The following TSHZ2 variants were observed in gnomAD, a reference collection of about 807,000 sequenced individuals.
TSHZ2 encodes the protein teashirt zinc finger homeobox 2.
Under a neutral mutation model 74.4 loss-of-function variants are expected in TSHZ2, and 21 were observed. That is an observed-to-expected ratio of 0.28 (90% CI 0.20 to 0.41). TSHZ2 has a LOEUF of 0.41. TSHZ2 is among the 10% of genes least tolerant of loss of function. TSHZ2 has a pLI of 1.00. For synonymous variants in TSHZ2, 540 were observed against 515.3 expected, an observed-to-expected ratio of 1.05 and a Z score of -0.65; for missense variants, 1,244 against 1,293.5, an observed-to-expected ratio of 0.96 and a Z score of 0.59.
At chr20:53,301,770 A>T (rs1337901599) in intron 2 of TSHZ2, among the ~76,000 whole-genome samples, 1 of 152,134 alleles carries the variant, frequency 6.6e-6, no homozygotes. Flanking sequence ...GCAACCCCCA[A>T]CTTTCAGGTT....
At chr20:53,072,094 G>T (rs1985193088) in intron 1 of TSHZ2, among the ~76,000 whole-genome samples, 1 of 152,202 alleles carries the variant, frequency 6.6e-6, no homozygotes, top group Admixed American at 6.5e-5. Flanking sequence ...GTCGCGCGGA[G>T]GCTGGGGAAC....
At chr20:53,199,263 C>T (rs1222549719) in intron 1 of TSHZ2, among the ~76,000 whole-genome samples, 1 of 151,992 alleles carries the variant, frequency 6.6e-6, no homozygotes, top group African/African-American at 2.4e-5. Flanking sequence ...TTTGGGAGGC[C>T]GAGGCGGGTG....
At chr20:53,284,651 A>T (rs182935804) in intron 2 of TSHZ2, among the ~76,000 whole-genome samples, 1 of 152,318 alleles carries the variant, frequency 6.6e-6, no homozygotes, top group East Asian at 1.9e-4. Context: ...ATTGCCAAAA[A>T]CACGGGAAAA....
In TSHZ2 at chr20:53,254,331, C is replaced by T. The variant is rs573494662; in HGVS notation, c.873C>T (p.Ser291=). 1.2e-5 allele frequency: 19 copies of T among 1,614,106 alleles called. No homozygotes were observed. Among genetic ancestry groups the T allele is most frequent in the South Asian group, 7.7e-5 (7 of 91,074 alleles). ...GDSFDSLQDL[S]VHMIKTKHYQ... is the part of the protein sequence containing the mutation. ...CCTTTGATTCCCTCCAAGATTTGAG[C>T]GTCCACATGATTAAAACAAAACATT... Residue 291 remains serine (S), a synonymous_variant, in exon 2 of 3, where the codon AGC becomes AGT. Transcript: ENST00000371497.
At chr20:53,309,687 C>T (rs531257311) in intron 2 of TSHZ2, among the ~76,000 whole-genome samples, 1 of 152,340 alleles carries the variant, frequency 6.6e-6, no homozygotes, top group South Asian at 2.1e-4. Context: ...GCTTCTTCAA[C>T]TGTGTCAGCC....
chr20:53,481,762 A>G (rs1206304960), intron 2 of TSHZ2, among the ~76,000 whole-genome samples: 1 of 152,128 alleles, frequency 6.6e-6, no homozygotes, highest in African/African-American at 2.4e-5. Flanking sequence ...ATACTCCCAT[A>G]GCTAAGTTTC....
chr20:53,484,538 A>G (rs1986242718), intron 2 of TSHZ2, among the ~76,000 whole-genome samples: 1 of 151,864 alleles, frequency 6.6e-6, no homozygotes, highest in Admixed American at 6.6e-5. Context: ...GAGGTGCACC[A>G]CCATGCCCAG....
intron 2 of TSHZ2, among the ~76,000 whole-genome samples, chr20:53,382,927 C>T (rs1981910080): frequency 6.6e-6 from 1 of 152,188 alleles, no homozygotes; most frequent in Non-Finnish European, 1.5e-5. Context: ...AAATGGGATA[C>T]CGATCCCTCT....
chr20:53,399,481 G>C (rs1982574186), intron 2 of TSHZ2: 1 of 152,224 alleles, frequency 6.6e-6, no homozygotes, highest in Admixed American at 6.6e-5. Flanking sequence ...CTCCGAGGTG[G>C]CCTCTGCATC....
intron 1 of TSHZ2, among the ~76,000 whole-genome samples, chr20:53,066,058 G>C (rs1159380343): frequency 6.6e-6 from 1 of 152,124 alleles, no homozygotes; most frequent in Non-Finnish European, 1.5e-5. Context: ...GGCTTTCCTA[G>C]AAACGTCTCA....
chr20:53,220,643 C>T (rs962474154), intron 1 of TSHZ2, among the ~76,000 whole-genome samples: 2 of 152,158 alleles, frequency 1.3e-5, no homozygotes, highest in African/African-American at 4.8e-5. Context: ...ACCACAAAGC[C>T]TCAAATGTCT....
intron 2 of TSHZ2, among the ~76,000 whole-genome samples, chr20:53,335,469 G>T (rs1979908242): frequency 6.6e-6 from 1 of 152,212 alleles, no homozygotes; most frequent in Non-Finnish European, 1.5e-5. Context: ...TCTGGACCCT[G>T]TAGGCATTTG....
At chr20:53,294,061 C>T (rs1003641451) in intron 2 of TSHZ2, among the ~76,000 whole-genome samples, 7 of 152,094 alleles carry the variant, frequency 4.6e-5, no homozygotes, top group African/African-American at 1.2e-4. Context: ...CCTGATTTGC[C>T]GTGTTGACCA....
chr20:53,055,604 C>T (rs959450065), intron 1 of TSHZ2, among the ~76,000 whole-genome samples: 4 of 152,096 alleles, frequency 2.6e-5, no homozygotes, highest in Non-Finnish European at 5.9e-5. Context: ...CTCGTTGGAA[C>T]ATTTGCATCA....
intron 2 of TSHZ2, among the ~76,000 whole-genome samples, chr20:53,448,509 T>C (rs1490868342): frequency 2.0e-5 from 3 of 152,318 alleles, no homozygotes; most frequent in Admixed American, 2.0e-4. Context: ...GTTTTAAGAC[T>C]GGGAGGGTCA....
chr20:53,309,217 G>A (rs1196732350), intron 2 of TSHZ2, among the ~76,000 whole-genome samples: 2 of 152,176 alleles, frequency 1.3e-5, no homozygotes, highest in Non-Finnish European at 2.9e-5. Context: ...TTCAAAGAAC[G>A]ACTGCCCTGT....
chr20:53,114,980 A>T (rs1986631460), intron 1 of TSHZ2, among the ~76,000 whole-genome samples: 1 of 152,094 alleles, frequency 6.6e-6, no homozygotes, highest in South Asian at 2.1e-4. Flanking sequence ...TGCATGTGGG[A>T]GTGTTAATTC....
chr20:53,063,739 A>T (rs1984891233), intron 1 of TSHZ2, among the ~76,000 whole-genome samples: 1 of 152,260 alleles, frequency 6.6e-6, no homozygotes, highest in African/African-American at 2.4e-5. Context: ...CACAGGCATG[A>T]ATATGCAAGG....
chr20:52,975,444 A>G (rs1376031562), intron 1 of TSHZ2, among the ~76,000 whole-genome samples: 1 of 152,080 alleles, frequency 6.6e-6, no homozygotes, highest in Non-Finnish European at 1.5e-5. Context: ...ACTGTATCAC[A>G]TTATTTAAAT....
Sources: gnomAD v4.1 joint callset for allele counts (sites outside exome capture counted in the v4.1 genomes callset) on GRCh38, gnomAD v4.1.1 for gene constraint, MANE v1.5 for transcripts, NCBI Gene and HGNC (gene_info 2026-07-23, HGNC 2026-07-21) for gene names.